The following FHAD1 variants were observed in gnomAD, a reference collection of about 807,000 sequenced individuals.
FHAD1 encodes forkhead-associated domain-containing protein 1.
A neutral mutation model predicts 191.3 loss-of-function variants in FHAD1; 146 were observed. That is an observed-to-expected ratio of 0.76 (90% CI 0.67 to 0.88). The LOEUF (loss-of-function observed/expected upper bound fraction) is 0.88. Ranked by LOEUF, FHAD1 falls within the 40% of genes least tolerant of loss-of-function variation. The probability of loss-of-function intolerance (pLI) is 0.00; values close to 1 mark genes in which losing one functional copy is unlikely to be tolerated. For synonymous variants in FHAD1, 616 were observed against 672.3 expected, an observed-to-expected ratio of 0.92 and a Z score of 1.29; for missense variants, 1,635 against 1,785.8, an observed-to-expected ratio of 0.92 and a Z score of 1.52.
chr1:15,349,259 T>G, intron 19 of FHAD1, 110 bp downstream of exon 19: 3 of 828,414 alleles, frequency 3.6e-6, no homozygotes, highest in South Asian at 3.3e-5. Flanking sequence ...CCCTTTGAAG[T>G]GGCCAAGATC....
intron 16 of FHAD1, among the ~76,000 whole-genome samples, chr1:15,342,526 A>T (rs753210523): frequency 5.9e-5 from 9 of 152,212 alleles, no homozygotes; most frequent in Non-Finnish European, 1.2e-4. Context: ...AAGTTTCCTG[A>T]TAAGAACCAT....
At chr1:15,359,510 A>G (rs1751998) in intron 21 of FHAD1, among the ~76,000 whole-genome samples, 96,890 of 151,860 alleles carry the variant, frequency 0.64, 32,435 homozygotes, top group African/African-American at 0.85. Flanking sequence ...GGAAAGCAGC[A>G]GATTTGCCAT....
At chr1:15,261,502 C>T (rs1651044257) in intron 2 of FHAD1, among the ~76,000 whole-genome samples, 1 of 152,166 alleles carries the variant, frequency 6.6e-6, no homozygotes, top group Non-Finnish European at 1.5e-5. Context: ...GACTCCATTA[C>T]ACAGGACTCT....
At chr1:15,396,424 T>A (rs937715413) in intron 33 of FHAD1, among the ~76,000 whole-genome samples, 2 of 152,144 alleles carry the variant, frequency 1.3e-5, no homozygotes, top group Non-Finnish European at 2.9e-5. Flanking sequence ...AGTAACGTGA[T>A]AATGATGAAT....
chr1:15,324,317 G>C, intron 10 of FHAD1, 135 bp from the exon 11 acceptor site: 1 of 713,478 alleles, frequency 1.4e-6, no homozygotes, highest in Non-Finnish European at 2.5e-6. Context: ...GCACGCCTGT[G>C]ACCCCTGCCA....
chr1:15,242,644 CA>C (rs1273185162), upstream of FHAD1, among the ~76,000 whole-genome samples: 1 of 152,080 alleles, frequency 6.6e-6, no homozygotes, highest in Non-Finnish European at 1.5e-5. Flanking sequence ...CTCTTATATC[CA>C]TATCCACATA....
At chr1:15,358,360 A>G in intron 21 of FHAD1, 77 bp downstream of exon 21, 1 of 1,414,546 alleles carries the variant, frequency 7.1e-7, no homozygotes. Flanking sequence ...TGTGTGGTTT[A>G]GACCGGGGCT....
intron 3 of FHAD1, chr1:15,287,077 G>C (rs549490337): frequency 6.6e-6 from 1 of 152,390 alleles, no homozygotes; most frequent in Non-Finnish European, 1.5e-5. Flanking sequence ...TGAGGATGGG[G>C]AAGGACATGA....
chr1:15,367,162 G>A (rs1266067611), intron 24 of FHAD1, among the ~76,000 whole-genome samples: 1 of 152,144 alleles, frequency 6.6e-6, no homozygotes, highest in Non-Finnish European at 1.5e-5. Context: ...ATGACCCCAA[G>A]TAAGTCCCTT....
intron 2 of FHAD1, among the ~76,000 whole-genome samples, chr1:15,262,678 G>A (rs141451942): frequency 0.012 from 1,832 of 152,286 alleles, 15 homozygotes; most frequent in South Asian, 0.03. Flanking sequence ...GATGGACCAC[G>A]TTTTGTTTAT....
chr1:15,253,826 T>C (rs1236404655), intron 2 of FHAD1, among the ~76,000 whole-genome samples: 6 of 152,218 alleles, frequency 3.9e-5, no homozygotes, highest in Non-Finnish European at 8.8e-5. Context: ...GGACTTCCAG[T>C]AGTCTGTTGC....
chr1:15,389,749 T>C (rs1206046704), intron 32 of FHAD1, among the ~76,000 whole-genome samples: 1 of 152,110 alleles, frequency 6.6e-6, no homozygotes, highest in African/African-American at 2.4e-5. Flanking sequence ...GAATGCCAAA[T>C]GGGGTTGCCA....
Position 15,291,680 on chromosome 1 carries a change from T to C in FHAD1, c.568+2014T>C, listed in dbSNP as rs72864826. On this transcript the variant is annotated intron_variant, in intron 4 of 33. Transcript: ENST00000688493. ...TTTCTGGGGGTCAGGCATTTGGGAG[T>C]AGCTTAGCAGGATGGCTGTAGTTCA... Among the ~76,000 whole-genome samples, 1,235 of 152,150 alleles carry C rather than the reference T, an allele frequency of 8.1e-3. 11 individuals are homozygous for C. The highest frequency in any genetic ancestry group is 0.027 in the African/African-American group (1,132 of 41,504).
intron 8 of FHAD1, among the ~76,000 whole-genome samples, chr1:15,314,188 G>A (rs539460963): frequency 1.0e-3 from 155 of 152,162 alleles, no homozygotes; most frequent in South Asian, 9.3e-3. Context: ...TGTCTGTTTC[G>A]GTGAGTCAAG....
At position 15,360,600 on chromosome 1, in the gene FHAD1, G is replaced by A. The variant is rs769666314; in HGVS notation, c.2859G>A (p.Gln953=). 31 of 1,552,014 alleles carry A rather than the reference G, an allele frequency of 2.0e-5. No individual in the cohort carries two copies. The African/African-American group carries it at 4.0e-4, about 20-fold the overall frequency. Reference sequence around the variant, plus strand: ...TGGAATATAAGGAGCAAATCAAACAGCACGCCCAGACAATTGTGAGCCTCG... The same window carrying A: ...TGGAATATAAGGAGCAAATCAAACAACACGCCCAGACAATTGTGAGCCTCG... ...EIMEYKEQIK[Q]HAQTIVSLEE... Residue 953 remains glutamine, a synonymous_variant, in exon 22 of 34, where the codon CAG becomes CAA. Coordinates refer to ENST00000688493, the MANE Select transcript of FHAD1 (RefSeq NM_001391957.1).
At chr1:15,319,554 G>A (rs141058541) in intron 10 of FHAD1, among the ~76,000 whole-genome samples, 3,188 of 152,216 alleles carry the variant, frequency 0.021, 53 homozygotes, top group Non-Finnish European at 0.033. Flanking sequence ...TAGACCAGGA[G>A]TTCAGGACCA....
At chr1:15,280,153 C>G (rs1308424422) in intron 3 of FHAD1, among the ~76,000 whole-genome samples, 1 of 152,104 alleles carries the variant, frequency 6.6e-6, no homozygotes, top group Non-Finnish European at 1.5e-5. Flanking sequence ...AAGTACTCCC[C>G]GTTCTTGAGA....
chr1:15,258,028 G>C (rs1649115338), intron 2 of FHAD1, among the ~76,000 whole-genome samples: 1 of 152,144 alleles, frequency 6.6e-6, no homozygotes, highest in South Asian at 2.1e-4. Flanking sequence ...TTCTAGTACA[G>C]ACGGGGTTTC....
intron 33 of FHAD1, chr1:15,392,988 G>A (rs993615663): frequency 6.6e-6 from 1 of 151,974 alleles, no homozygotes; most frequent in African/African-American, 2.4e-5. Flanking sequence ...AGTCAGCAAC[G>A]TGGCAGGGCT....
Sources: gnomAD v4.1 joint callset for allele counts (sites outside exome capture counted in the v4.1 genomes callset) on GRCh38, gnomAD v4.1.1 for gene constraint, MANE v1.5 for transcripts, NCBI Gene and HGNC (gene_info 2026-07-23, HGNC 2026-07-21) for gene names.